Variants in PACS1 observed in about 807,000 individuals in gnomAD.
PACS1 encodes PACS-1.
In PACS1, 24 loss-of-function variants were observed where a neutral mutation model predicts 115.0. The observed-to-expected ratio is 0.21, with a 90% CI of 0.15 to 0.29. The LOEUF (loss-of-function observed/expected upper bound fraction) is 0.29, where lower values mean the gene tolerates loss of function less well. PACS1 is among the 10% of genes least tolerant of loss of function. PACS1 has a pLI of 1.00. For missense variants in PACS1, 838 were observed against 1,251.2 expected (o/e 0.67, Z 4.98); for synonymous variants, 453 against 504.5 (o/e 0.90, Z 1.37).
At chr11:66,160,787 G>T (rs538778533) in intron 1 of PACS1, among the ~76,000 whole-genome samples, 7 of 151,246 alleles carry the variant, frequency 4.6e-5, no homozygotes, top group Non-Finnish European at 7.4e-5. Context: ...CTCCCAAAGT[G>T]CTGGGATTAT....
chr11:66,149,145 AGTG>A (rs1859184254), intron 1 of PACS1, among the ~76,000 whole-genome samples: 1 of 131,120 alleles, frequency 7.6e-6, no homozygotes, highest in African/African-American at 3.0e-5. Context: ...CCCATTCTGG[AGTG>A]TAATGGTGTG....
intron 1 of PACS1, among the ~76,000 whole-genome samples, chr11:66,160,937 G>A (rs936794051): frequency 6.6e-6 from 1 of 152,130 alleles, no homozygotes; most frequent in African/African-American, 2.4e-5. Flanking sequence ...CATGGACTCT[G>A]AAGCCACCTA....
At chr11:66,199,601 C>T (rs1476374526) in intron 2 of PACS1, among the ~76,000 whole-genome samples, 2 of 152,004 alleles carry the variant, frequency 1.3e-5, no homozygotes, top group African/African-American at 4.8e-5. Context: ...GAAGATAAGA[C>T]CACAAAACAA....
intron 1 of PACS1, among the ~76,000 whole-genome samples, chr11:66,130,721 T>G (rs1026168377): frequency 6.6e-6 from 1 of 152,170 alleles, no homozygotes; most frequent in Non-Finnish European, 1.5e-5. Context: ...GTCTACTGCG[T>G]TTTATTTGCC....
At position 66,115,747 on chromosome 11, in the gene PACS1, C is replaced by T. The variant is rs143783736; in HGVS notation, c.356+44905C>T. Among the ~76,000 whole-genome samples, 48 of 152,296 alleles carry T rather than the reference C, an allele frequency of 3.2e-4. 2 individuals are homozygous for T. Among genetic ancestry groups the T allele is most frequent in the African/African-American group, 1.1e-3 (46 of 41,568 alleles). ...ACAGCCTGAGACCCTGTTTTTCTTT[C>T]GTATTAGCTGACCTCGGTATTAACC... is the stretch of plus-strand genomic sequence containing the variant. On this transcript the variant is annotated intron_variant, in intron 1 of 23. Coordinates refer to ENST00000320580, the MANE Select transcript of PACS1 (RefSeq NM_018026.4).
At chr11:66,243,136 G>T in intron 23 of PACS1, 29 bp from the exon 24 acceptor site, 2 of 1,611,540 alleles carry the variant, frequency 1.2e-6, no homozygotes, top group Non-Finnish European at 1.7e-6. Context: ...TGAGCAGTCT[G>T]GTCACCCCTC....
At chr11:66,104,213 T>A (rs1289723805) in intron 1 of PACS1, among the ~76,000 whole-genome samples, 4 of 152,088 alleles carry the variant, frequency 2.6e-5, no homozygotes, top group Non-Finnish European at 4.4e-5. Flanking sequence ...GGACCGTGTG[T>A]AAGTGAAAGG....
chr11:66,182,164 G>A (rs1357292489), intron 1 of PACS1, among the ~76,000 whole-genome samples: 1 of 152,186 alleles, frequency 6.6e-6, no homozygotes, highest in Non-Finnish European at 1.5e-5. Context: ...TATCATCAAG[G>A]AGATTGCAGA....
intron 1 of PACS1, among the ~76,000 whole-genome samples, chr11:66,101,407 A>G (rs568242785): frequency 6.6e-6 from 1 of 152,328 alleles, no homozygotes; most frequent in South Asian, 2.1e-4. Flanking sequence ...TCACATTGAA[A>G]CTAATTTTTG....
intron 1 of PACS1, among the ~76,000 whole-genome samples, chr11:66,133,628 G>A (rs1181907155): frequency 6.6e-6 from 1 of 152,160 alleles, no homozygotes. Context: ...CTGTCCTCCA[G>A]GGTAGCAGGA....
At position 66,236,850 on chromosome 11, in the gene PACS1, C is replaced by A. The variant is rs750292881; in HGVS notation, c.2250+910C>A. Among the ~76,000 whole-genome samples, 1 of 152,166 alleles carries A rather than the reference C, an allele frequency of 6.6e-6. No homozygotes were observed. On this transcript the variant is annotated intron_variant, in intron 19 of 23. Coordinates refer to ENST00000320580, the MANE Select transcript of PACS1 (RefSeq NM_018026.4). This position sits in a 1 kb window ranked among gnomAD's most constrained non-coding sequence, Gnocchi z 4.2. ...AATCTCAGCTCACTGCAACCTCTGC[C>A]TCCTGGGTTCAAGTGATCCTCCTGC... is the stretch of plus-strand genomic sequence containing the variant.
rs562484354 is a variant in PACS1 at position 66,104,476 on chromosome 11, G to C, written c.356+33634G>C. On this transcript the variant is annotated intron_variant, in intron 1 of 23. Transcript: ENST00000320580. The stretch of plus-strand genomic sequence containing the variant: ...TGGAATACAACCACACCCATTTGTT[G>C]ATGTATTGTTGTGTATGGCTGCTTT... Among the ~76,000 whole-genome samples the C allele has an allele frequency of 3.3e-5, 5 of 152,272 alleles. No individual in the cohort carries two copies. The East Asian group carries it at 9.6e-4, about 29-fold the overall frequency.
intron 1 of PACS1, among the ~76,000 whole-genome samples, chr11:66,120,704 A>G (rs1166275839): frequency 2.0e-5 from 3 of 152,184 alleles, no homozygotes; most frequent in South Asian, 2.1e-4. Context: ...TGGGAATGAT[A>G]ATAATACTTG....
At chr11:66,082,205 C>T (rs1382781475) in intron 1 of PACS1, among the ~76,000 whole-genome samples, 1 of 151,962 alleles carries the variant, frequency 6.6e-6, no homozygotes, top group Non-Finnish European at 1.5e-5. Flanking sequence ...GGCACAACTG[C>T]TTTCTTTAGT....
chr11:66,172,770 G>A (rs1382940701), intron 1 of PACS1, among the ~76,000 whole-genome samples: 2 of 152,140 alleles, frequency 1.3e-5, no homozygotes, highest in African/African-American at 2.4e-5. Context: ...AAGGTCAAGA[G>A]ATCGAGACCA....
At chr11:66,242,299 G>A (rs1159243774) in intron 22 of PACS1, among the ~76,000 whole-genome samples, 1 of 152,184 alleles carries the variant, frequency 6.6e-6, no homozygotes, top group East Asian at 1.9e-4. Context: ...CCCCAACCCC[G>A]CCTCCTTTGG....
intron 1 of PACS1, among the ~76,000 whole-genome samples, chr11:66,191,299 C>A (rs1854516468): frequency 6.6e-6 from 1 of 152,190 alleles, no homozygotes; most frequent in Non-Finnish European, 1.5e-5. Context: ...TGGGTCCACC[C>A]AGATAATCCA....
Position 66,233,728 on chromosome 11 carries a change from C to G in PACS1, c.1839-57C>G. On this transcript the variant is annotated intron_variant, in intron 15 of 23. Coordinates refer to ENST00000320580, the MANE Select transcript of PACS1 (RefSeq NM_018026.4). The surrounding 1 kb of genome is among the most constrained non-coding windows in gnomAD (Gnocchi z 4.5). ...CACAGAAAGTCAGCTCTGGGCCTCC[C>G]CCGGGCAGGATCCTGGCACCCCTGA... The G allele has an allele frequency of 6.5e-7, 1 of 1,532,994 alleles. No homozygotes were observed. Among genetic ancestry groups the G allele is most frequent in the Non-Finnish European group, 8.8e-7 (1 of 1,136,280 alleles). 95.0% of individuals were successfully genotyped at this position (1,532,994 alleles called of 1,614,324 possible). A position where few individuals can be genotyped will look rare whatever the true frequency, so the allele number is the denominator to read the frequency against.
chr11:66,216,859 A>G (rs1163303773), intron 7 of PACS1, 84 bp downstream of exon 7: 1 of 866,126 alleles, frequency 1.2e-6, no homozygotes. Flanking sequence ...GGCCTAGTGG[A>G]GACTTCTTAA....
Sources: allele counts gnomAD v4.1 joint callset (sites outside exome capture counted in the v4.1 genomes callset), GRCh38; gene constraint gnomAD v4.1.1; non-coding constraint Gnocchi (gnomAD v3.1); transcripts MANE v1.5; gene names NCBI Gene and HGNC (gene_info 2026-07-23, HGNC 2026-07-21).